The following CHEK1 variants were observed in gnomAD, a reference collection of about 807,000 sequenced individuals.
The protein encoded by CHEK1 is serine/threonine-protein kinase Chk1.
CHEK1 carries 32 observed loss-of-function variants against 60.2 expected under a neutral mutation model. That is an observed-to-expected ratio of 0.53 (90% CI 0.40 to 0.71). The LOEUF (loss-of-function observed/expected upper bound fraction) is 0.71. Ranked by LOEUF, CHEK1 falls within the 30% of genes least tolerant of loss-of-function variation. The pLI, the probability that CHEK1 is intolerant of heterozygous loss-of-function variation, is 0.00. For synonymous variants in CHEK1, 179 were observed against 187.2 expected (o/e 0.96, Z 0.36); for missense variants, 399 against 564.6 (o/e 0.71, Z 2.97).
At chr11:125,675,423 A>G (rs1299047923) in intron 13 of CHEK1, among the ~76,000 whole-genome samples, 1 of 152,188 alleles carries the variant, frequency 6.6e-6, no homozygotes, top group Non-Finnish European at 1.5e-5. Flanking sequence ...AGTTCATGGT[A>G]TGTGTCATTA....
At chr11:125,633,032 C>T in intron 5 of CHEK1, 131 bp from the exon 6 acceptor site, 15 of 702,102 alleles carry the variant, frequency 2.1e-5, no homozygotes, top group Admixed American at 7.8e-5. Context: ...GTCTATTTTG[C>T]TTATTTTAAG....
At chr11:125,680,628 T>G (rs1016166608), downstream of CHEK1, 2 of 1,034,664 alleles carry the variant, frequency 1.9e-6, no homozygotes, top group Non-Finnish European at 2.9e-6. Flanking sequence ...TGACTCAGAT[T>G]GGTTTGGGTG....
chr11:125,677,315 A>G (rs1942557841), downstream of CHEK1, among the ~76,000 whole-genome samples: 1 of 152,364 alleles, frequency 6.6e-6, no homozygotes, highest in African/African-American at 2.4e-5. Context: ...CTAGGAACTC[A>G]TTTCTGGATC....
Position 125,625,481 on chromosome 11 carries a change from A to G in CHEK1, c.-552A>G, listed in dbSNP as rs918131761. On this transcript the variant is annotated 5_prime_UTR_variant, in exon 1 of 13. Coordinates refer to ENST00000438015, the MANE Select transcript of CHEK1 (RefSeq NM_001114122.3). ...CTGCTGCTGGTTTCTCGGCTCCAGC[A>G]CCACGAGTACCGCACTCTGAGGTTT... 1 of 373,664 alleles carries G rather than the reference A, an allele frequency of 2.7e-6. No homozygotes were observed. The highest frequency in any genetic ancestry group is 4.9e-6 in the Non-Finnish European group (1 of 205,904). 23.1% of individuals were successfully genotyped at this position (373,664 alleles called of 1,614,324 possible).
At chr11:125,633,654 G>A (rs1454585882) in intron 6 of CHEK1, among the ~76,000 whole-genome samples, 10 of 152,118 alleles carry the variant, frequency 6.6e-5, no homozygotes, top group African/African-American at 2.4e-4. Flanking sequence ...ATCTTGCTGT[G>A]TTGTCCAGGC....
downstream of CHEK1, chr11:125,677,954 C>T (rs780379486): frequency 6.2e-7 from 1 of 1,612,506 alleles, no homozygotes; most frequent in Non-Finnish European, 8.5e-7. Flanking sequence ...CTGACTCAAG[C>T]TCACTCAAAG....
At chr11:125,679,655 C>G (rs1942706676), downstream of CHEK1, among the ~76,000 whole-genome samples, 1 of 152,132 alleles carries the variant, frequency 6.6e-6, no homozygotes, top group South Asian at 2.1e-4. Flanking sequence ...ACTACAACAA[C>G]CAAGTTATTT....
At chr11:125,637,597 T>C in intron 8 of CHEK1, 53 bp downstream of exon 8, 2 of 1,306,808 alleles carry the variant, frequency 1.5e-6, no homozygotes. Context: ...GAAAAGGTAA[T>C]TGCAAAGTTA....
downstream of CHEK1, among the ~76,000 whole-genome samples, chr11:125,659,221 CATA>C (rs1312675268): frequency 6.6e-6 from 1 of 152,014 alleles, no homozygotes; most frequent in African/African-American, 2.4e-5. Flanking sequence ...AAAGTTTAAA[CATA>C]ATAATCGATT....
At chr11:125,645,505 C>T (rs1192125967) in intron 11 of CHEK1, among the ~76,000 whole-genome samples, 1 of 152,070 alleles carries the variant, frequency 6.6e-6, no homozygotes, top group African/African-American at 2.4e-5. Flanking sequence ...AAGTGCAATG[C>T]ATGATCTTTC....
At chr11:125,669,504 T>C (rs1413593867) in intron 13 of CHEK1, among the ~76,000 whole-genome samples, 1 of 150,944 alleles carries the variant, frequency 6.6e-6, no homozygotes, top group African/African-American at 2.4e-5. Flanking sequence ...GGTATATTTC[T>C]TTTTCTTTTC....
chr11:125,638,929 AT>A (rs1338504497), intron 8 of CHEK1, among the ~76,000 whole-genome samples: 1 of 151,942 alleles, frequency 6.6e-6, no homozygotes, highest in East Asian at 1.9e-4. Context: ...CACCAGTATA[AT>A]TTTTTCTGAC....
intron 13 of CHEK1, among the ~76,000 whole-genome samples, chr11:125,663,315 T>C (rs1261888999): frequency 6.6e-6 from 1 of 152,170 alleles, no homozygotes; most frequent in African/African-American, 2.4e-5. Context: ...TTTTTTCCAG[T>C]GTTTTTTCTT....
At chr11:125,638,168 C>T (rs1215082878) in intron 8 of CHEK1, among the ~76,000 whole-genome samples, 3 of 152,152 alleles carry the variant, frequency 2.0e-5, no homozygotes, top group African/African-American at 7.2e-5. Flanking sequence ...CTGGGGAGAC[C>T]TCTGAGAGAT....
At chr11:125,637,424 A>G (rs1228099521) in intron 7 of CHEK1, 25 bp from the exon 8 acceptor site, 1 of 1,577,586 alleles carries the variant, frequency 6.3e-7, no homozygotes, top group Non-Finnish European at 8.6e-7. Context: ...TCTTTCGTGA[A>G]TGTTGTCGTA....
rs771013270 is a variant in CHEK1, at chr11:125,635,523, T to A, written c.708T>A (p.Ser236=). ...TCAACCCTTGGAAAAAAATCGATTC[T>A]GCTCCTCTAGGTAACTGAATTATCT... The part of the protein sequence containing the change: ...TYLNPWKKID[S]APLALLHKIL... The change falls in exon 7 of 13, where the codon TCT becomes TCA. Residue 236 remains serine, a synonymous_variant. Coordinates refer to ENST00000438015, the MANE Select transcript of CHEK1 (RefSeq NM_001114122.3). The A allele has an allele frequency of 6.3e-7, 1 of 1,598,296 alleles. No individual in the cohort carries two copies. Among genetic ancestry groups the A allele is most frequent in the Non-Finnish European group, 8.5e-7 (1 of 1,170,836 alleles).
At chr11:125,640,020 T>C (rs752069443) in intron 8 of CHEK1, among the ~76,000 whole-genome samples, 10 of 152,226 alleles carry the variant, frequency 6.6e-5, no homozygotes, top group Non-Finnish European at 1.2e-4. Flanking sequence ...ATAAAATTTC[T>C]CTTAACTCCA....
chr11:125,666,263 G>T (rs563001883), intron 13 of CHEK1, among the ~76,000 whole-genome samples: 8 of 149,190 alleles, frequency 5.4e-5, no homozygotes, highest in Admixed American at 4.0e-4. Context: ...TTTACTTATT[G>T]GTCTTTCAGA....
Position 125,656,048 on chromosome 11 carries a change from C to G in CHEK1, c.*728C>G, listed in dbSNP as rs1156885807. ...GCCATATTTTAACCTTTTCAACTTA[C>G]TGGTGACCAAGCTTTTAGGTGATAA... is the stretch of plus-strand genomic sequence containing the variant. On this transcript the variant is annotated 3_prime_UTR_variant, in exon 13 of 13. Transcript: ENST00000438015. 4.7e-6 allele frequency: 1 copy of G among 212,206 alleles called. No individual in the cohort carries two copies. The highest frequency in any genetic ancestry group is 7.1e-5 in the East Asian group (1 of 14,022). 13.1% of individuals were successfully genotyped at this position (212,206 alleles called of 1,614,324 possible). A position where few individuals can be genotyped will look rare whatever the true frequency, so the allele number is the denominator to read the frequency against.
Sources: gnomAD v4.1 joint callset for allele counts (sites outside exome capture counted in the v4.1 genomes callset) on GRCh38, gnomAD v4.1.1 for gene constraint, MANE v1.5 for transcripts, NCBI Gene and HGNC (gene_info 2026-07-23, HGNC 2026-07-21) for gene names.